CDC42BPA: variants seen among roughly 807,000 people sequenced by gnomAD.
CDC42BPA encodes serine/threonine-protein kinase MRCK alpha.
In CDC42BPA, 80 loss-of-function variants were observed where a neutral mutation model predicts 223.5. The observed-to-expected ratio is 0.36, with a 90% CI of 0.30 to 0.43. The LOEUF is 0.43. Among genes scored for constraint, CDC42BPA ranks in the 20% least tolerant of loss-of-function variants. The pLI is 1.00. For synonymous variants in CDC42BPA, 694 were observed against 718.6 expected, an observed-to-expected ratio of 0.97 and a Z score of 0.55; for missense variants, 1,743 against 2,099.9, an observed-to-expected ratio of 0.83 and a Z score of 3.32.
intron 16 of CDC42BPA, among the ~76,000 whole-genome samples, chr1:227,088,398 A>G (rs1463295716): frequency 6.6e-6 from 1 of 152,204 alleles, no homozygotes; most frequent in African/African-American, 2.4e-5. Context: ...TAGGAATACG[A>G]AAAAATGCTC....
chr1:227,264,101 C>T (rs557534888), intron 1 of CDC42BPA, among the ~76,000 whole-genome samples: 3 of 152,200 alleles, frequency 2.0e-5, no homozygotes, highest in African/African-American at 7.2e-5. Context: ...TTTTATTTGC[C>T]TTTGTCTTAT....
At chr1:227,076,365 T>G (rs1026356272) in intron 17 of CDC42BPA, among the ~76,000 whole-genome samples, 1 of 152,208 alleles carries the variant, frequency 6.6e-6, no homozygotes, top group African/African-American at 2.4e-5. Flanking sequence ...CAAGCAATTC[T>G]CCTACCTCAG....
intron 2 of CDC42BPA, among the ~76,000 whole-genome samples, chr1:227,236,737 A>AT (rs986256932): frequency 1.4e-4 from 21 of 152,186 alleles, no homozygotes; most frequent in African/African-American, 4.8e-4. Context: ...CACCTTTCCA[A>AT]TGGAGTTAAC....
intron 2 of CDC42BPA, among the ~76,000 whole-genome samples, chr1:227,253,552 T>C (rs1166129774): frequency 1.3e-5 from 2 of 152,034 alleles, no homozygotes; most frequent in East Asian, 1.9e-4. Context: ...GCCAAGATCA[T>C]GCCACTGCGC....
intron 22 of CDC42BPA, among the ~76,000 whole-genome samples, chr1:227,048,652 G>A (rs116580969): frequency 0.023 from 3,370 of 147,548 alleles, 47 homozygotes; most frequent in Middle Eastern, 0.042. Flanking sequence ...CTTTTATGGG[G>A]TTTTATTGTA....
intron 5 of CDC42BPA, among the ~76,000 whole-genome samples, chr1:227,161,645 C>A (rs1006532508): frequency 6.6e-6 from 1 of 152,168 alleles, no homozygotes; most frequent in Non-Finnish European, 1.5e-5. Flanking sequence ...TGGCCCACGG[C>A]CAAATCTGGT....
chr1:227,176,113 G>A (rs533081219), intron 5 of CDC42BPA, among the ~76,000 whole-genome samples: 5 of 152,000 alleles, frequency 3.3e-5, no homozygotes, highest in Admixed American at 2.0e-4. Flanking sequence ...ATACCATACC[G>A]GGCTAATTTT....
Position 227,112,790 on chromosome 1 carries a change from T to G in CDC42BPA, c.1771A>C (p.Thr591Pro). 1 of 1,614,110 alleles carries G rather than the reference T, an allele frequency of 6.2e-7. No homozygotes were observed. The highest frequency in any genetic ancestry group is 8.5e-7 in the Non-Finnish European group (1 of 1,179,990). ...TGGCGAGCAAGTTTCTGTTTTTGGG[T>G]GTGCAATTCTGTTAGCCGCTCATTG... ...EINERLTELH[T>P]QKQKLARHVR... The change falls in exon 13 of 37, where the codon ACC becomes CCC. Residue 591 changes from threonine (T) to proline (P), a missense_variant. Around this residue, in one of 6 missense-constraint regions of CDC42BPA, gnomAD observed 464 missense variants for 488.0 expected, o/e 0.95. Coordinates refer to ENST00000366766, the MANE Select transcript of CDC42BPA (RefSeq NM_001394014.1).
chr1:227,209,307 G>T (rs1349311519), intron 3 of CDC42BPA, among the ~76,000 whole-genome samples: 1 of 149,468 alleles, frequency 6.7e-6, no homozygotes, highest in African/African-American at 2.5e-5. Context: ...TGCAAACAGG[G>T]ACAATTTGAC....
intron 1 of CDC42BPA, among the ~76,000 whole-genome samples, chr1:227,304,606 A>G (rs1206539359): frequency 6.6e-6 from 1 of 152,250 alleles, no homozygotes; most frequent in Non-Finnish European, 1.5e-5. Context: ...CTAGCCCTGC[A>G]TATAACAAGT....
chr1:227,315,976 A>G (rs1367712803), intron 1 of CDC42BPA, among the ~76,000 whole-genome samples: 1 of 129,018 alleles, frequency 7.8e-6, no homozygotes, highest in Non-Finnish European at 1.7e-5. Context: ...AAAAAAAAAG[A>G]CACAATCAGC....
At chr1:227,032,936 A>G (rs1413040822) in intron 27 of CDC42BPA, among the ~76,000 whole-genome samples, 1 of 152,274 alleles carries the variant, frequency 6.6e-6, no homozygotes, top group East Asian at 1.9e-4. Flanking sequence ...TGTTGGTTTA[A>G]GCTACTAAGT....
At chr1:227,074,447 A>G (rs560330151) in intron 17 of CDC42BPA, 83 bp from the exon 18 acceptor site, 32 of 982,552 alleles carry the variant, frequency 3.3e-5, no homozygotes, top group East Asian at 4.9e-5. Context: ...TCCTAAAGAA[A>G]TAAGTGGTAG....
At chr1:227,044,422 TTC>T (rs34178033) in intron 23 of CDC42BPA, among the ~76,000 whole-genome samples, 30,262 of 152,100 alleles carry the variant, frequency 0.2, 3,099 homozygotes, top group Middle Eastern at 0.26. Context: ...TTTCTACATT[TTC>T]TGTTTTAAAT....
chr1:227,083,659 A>G (rs1681191220), intron 16 of CDC42BPA, among the ~76,000 whole-genome samples: 1 of 152,196 alleles, frequency 6.6e-6, no homozygotes, highest in South Asian at 2.1e-4. Context: ...TACAAACTTT[A>G]GATAATTTTA....
chr1:227,069,798 G>A lies in CDC42BPA; in HGVS notation c.2883C>T (p.Thr961=). ...TTACTTCAAATTGATCCAGAGCATC[G>A]GTAGGCGTATTCAAAAATGCCAAGA... The part of the protein sequence containing the change: ...HSFLAFLNTP[T]DALDQFETDP... The change falls in exon 21 of 37, where the codon ACC becomes ACT. Residue 961 remains threonine (T), a synonymous_variant. Transcript: ENST00000366766. 5.6e-6 allele frequency: 9 copies of A among 1,610,220 alleles called. No individual in the cohort carries two copies. The highest frequency in any genetic ancestry group is 2.7e-5 in the African/African-American group (2 of 74,914).
Position 227,317,753 on chromosome 1 carries a change from T to C in CDC42BPA, c.-571A>G. The C allele has an allele frequency of 2.5e-6, 1 of 398,474 alleles. No individual in the cohort carries two copies. The highest frequency in any genetic ancestry group is 1.3e-4 in the South Asian group (1 of 7,718). The allele number at this position is 398,474 out of a possible 1,614,324, so 24.7% of individuals were successfully genotyped here. A position where few individuals can be genotyped will look rare whatever the true frequency, so the allele number is the denominator to read the frequency against. ...ACTTGGATAATGCATCAGCGGCAATTTCTCCAGCGGGAAAGGGAGGGGGCG... is the reference window on the plus strand; with the variant it reads ...ACTTGGATAATGCATCAGCGGCAATCTCTCCAGCGGGAAAGGGAGGGGGCG... On this transcript the variant is annotated 5_prime_UTR_variant, in exon 1 of 37. Transcript: ENST00000366766.
chr1:227,177,934 CATTTA>C (rs1484339835), intron 5 of CDC42BPA, among the ~76,000 whole-genome samples: 1 of 149,342 alleles, frequency 6.7e-6, no homozygotes. Context: ...CTCTCAAAGA[CATTTA>C]ATTTTTTTTT....
intron 2 of CDC42BPA, among the ~76,000 whole-genome samples, chr1:227,221,639 A>C (rs984950712): frequency 1.3e-5 from 2 of 149,498 alleles, no homozygotes; most frequent in Non-Finnish European, 3.0e-5. Flanking sequence ...TATGCTATAC[A>C]TTATGCTAAC....
Sources: gnomAD v4.1 joint callset for allele counts (sites outside exome capture counted in the v4.1 genomes callset) on GRCh38, gnomAD v4.1.1 for gene constraint, gnomAD v4.1.1 regional missense constraint, MANE v1.5 for transcripts, NCBI Gene and HGNC (gene_info 2026-07-23, HGNC 2026-07-21) for gene names.